Variants in SNTG1 observed in about 807,000 individuals in gnomAD.
SNTG1 encodes gamma-1-syntrophin.
SNTG1 carries 39 observed loss-of-function variants against 74.7 expected under a neutral mutation model. The ratio of observed to expected loss-of-function variants is 0.52; its 90% CI spans 0.40 to 0.68. The LOEUF is 0.68. Among genes scored for constraint, SNTG1 ranks in the 30% least tolerant of loss-of-function variants. SNTG1 has a pLI of 0.00. For missense variants in SNTG1, 685 were observed against 609.5 expected, an observed-to-expected ratio of 1.12 and a Z score of -1.30; for synonymous variants, 254 against 217.1, an observed-to-expected ratio of 1.17 and a Z score of -1.49.
chr8:50,678,482 T>C (rs1167491054), intron 15 of SNTG1, among the ~76,000 whole-genome samples: 1 of 152,086 alleles, frequency 6.6e-6, no homozygotes, highest in African/African-American at 2.4e-5. Context: ...TGTTTACAAG[T>C]GTGTCAACAT....
chr8:50,556,337 G>C (rs2094455449), intron 12 of SNTG1, among the ~76,000 whole-genome samples: 1 of 152,102 alleles, frequency 6.6e-6, no homozygotes, highest in Non-Finnish European at 1.5e-5. Flanking sequence ...GTTGTGGGGT[G>C]GGTGGGGTTC....
intron 13 of SNTG1, among the ~76,000 whole-genome samples, chr8:50,648,843 C>G (rs1256909052): frequency 6.6e-6 from 1 of 152,104 alleles, no homozygotes; most frequent in Non-Finnish European, 1.5e-5. Context: ...CTGACTTTCT[C>G]TCCTCTCACT....
At chr8:50,552,244 TTATATC>T (rs2094431313) in intron 11 of SNTG1, among the ~76,000 whole-genome samples, 1 of 152,176 alleles carries the variant, frequency 6.6e-6, no homozygotes, top group South Asian at 2.1e-4. Context: ...TCCATTAAGT[TTATATC>T]TAAACATTGC....
chr8:50,574,067 C>T (rs948398759), intron 12 of SNTG1, among the ~76,000 whole-genome samples: 1 of 151,988 alleles, frequency 6.6e-6, no homozygotes, highest in Non-Finnish European at 1.5e-5. Flanking sequence ...TGTAACATCT[C>T]AACCCATTTA....
chr8:50,721,404 T>C (rs1225249064), intron 17 of SNTG1, among the ~76,000 whole-genome samples: 2 of 152,202 alleles, frequency 1.3e-5, no homozygotes, highest in Non-Finnish European at 2.9e-5. Context: ...CTCAAATGAA[T>C]AGCTTATGGG....
At chr8:50,748,387 G>C (rs1014900516) in intron 17 of SNTG1, among the ~76,000 whole-genome samples, 2 of 151,932 alleles carry the variant, frequency 1.3e-5, no homozygotes, top group African/African-American at 2.4e-5. Context: ...TAGAAACTCT[G>C]CTTAAAGAGG....
rs868868212 is a variant in SNTG1, at chr8:50,002,199, T to A, written c.-103+89968T>A. 1.4e-4 allele frequency among the ~76,000 whole-genome samples: 21 copies of A among 152,336 alleles called. No homozygotes were observed. The Middle Eastern group carries it at 0.01, about 74-fold the overall frequency. ...GTAATATATCACAAAGTGGGTATTT[T>A]TTTAAAAGGCCCAACTCCAAATGTT... On this transcript the variant is annotated intron_variant, in intron 1 of 18. Coordinates refer to ENST00000642720, the MANE Select transcript of SNTG1 (RefSeq NM_018967.5).
chr8:50,247,220 C>G (rs1320519711), intron 2 of SNTG1, among the ~76,000 whole-genome samples: 12 of 152,068 alleles, frequency 7.9e-5, no homozygotes, highest in Non-Finnish European at 1.6e-4. Context: ...TGTCTCATCC[C>G]TTCTTATAAT....
intron 15 of SNTG1, among the ~76,000 whole-genome samples, chr8:50,675,582 G>A (rs527991733): frequency 1.3e-5 from 2 of 152,002 alleles, no homozygotes; most frequent in South Asian, 4.1e-4. Context: ...CCTGAATACA[G>A]CACACTGATG....
intron 2 of SNTG1, among the ~76,000 whole-genome samples, chr8:50,261,578 C>T (rs2087196062): frequency 1.3e-5 from 2 of 151,918 alleles, no homozygotes; most frequent in South Asian, 4.1e-4. Flanking sequence ...CAACAATGTA[C>T]CCAGTGGATA....
rs533662121 is a variant in SNTG1, at chr8:50,590,616, C to T, written c.811-263C>T. On this transcript the variant is annotated intron_variant, in intron 12 of 18. Transcript: ENST00000642720. ...TCATTTAGTATTGTTTGAACACAGG[C>T]TTTTGGTTTCTCTGAGTTAAAAAAA... Among the ~76,000 whole-genome samples the T allele has an allele frequency of 4.3e-3, 649 of 151,994 alleles. 9 individuals are homozygous for T. Among genetic ancestry groups the T allele is most frequent in the African/African-American group, 0.014 (587 of 41,436 alleles).
At chr8:50,049,520 G>C (rs1819387684) in intron 1 of SNTG1, among the ~76,000 whole-genome samples, 1 of 152,054 alleles carries the variant, frequency 6.6e-6, no homozygotes, top group Non-Finnish European at 1.5e-5. Context: ...GAATTGTTAG[G>C]ATAACTGGAT....
intron 17 of SNTG1, among the ~76,000 whole-genome samples, chr8:50,711,200 A>G (rs2095460665): frequency 6.6e-6 from 1 of 152,222 alleles, no homozygotes; most frequent in African/African-American, 2.4e-5. Context: ...ATACAAATCA[A>G]AACATGCTTT....
chr8:49,992,990 C>T (rs1041179246), intron 1 of SNTG1, among the ~76,000 whole-genome samples: 4 of 152,070 alleles, frequency 2.6e-5, no homozygotes, highest in Non-Finnish European at 5.9e-5. Context: ...ATTATTTCTG[C>T]AGAAATGTGT....
At chr8:50,058,214 G>T (rs1292044273) in intron 1 of SNTG1, among the ~76,000 whole-genome samples, 1 of 152,120 alleles carries the variant, frequency 6.6e-6, no homozygotes, top group Non-Finnish European at 1.5e-5. Flanking sequence ...CTGCAAGCAT[G>T]ATCTATGGAA....
chr8:50,053,675 T>A (rs1207456583), intron 1 of SNTG1, among the ~76,000 whole-genome samples: 1 of 126,040 alleles, frequency 7.9e-6, no homozygotes, highest in Admixed American at 8.6e-5. Flanking sequence ...CAGGATAGTA[T>A]CCTGGATAGA....
intron 1 of SNTG1, among the ~76,000 whole-genome samples, chr8:50,157,099 A>G (rs533302503): frequency 1.3e-5 from 2 of 152,270 alleles, no homozygotes; most frequent in South Asian, 4.1e-4. Context: ...GAATACTGAT[A>G]GATGCAAAAA....
rs147098210 is a variant in SNTG1, at chr8:50,725,494, T to A, written c.1284+16516T>A. ...AGTAATAAATATAGTCTTAATAATA[T>A]AATAAACAACAAAACGTCTTTTACA... On this transcript the variant is annotated intron_variant, in intron 17 of 18. Transcript: ENST00000642720. 1.9e-3 allele frequency among the ~76,000 whole-genome samples: 291 copies of A among 152,260 alleles called. 1 individual carries two copies. Among genetic ancestry groups the A allele is most frequent in the African/African-American group, 6.9e-3 (285 of 41,560 alleles).
At chr8:50,089,259 G>C in intron 1 of SNTG1, among the ~76,000 whole-genome samples, 1 of 152,112 alleles carries the variant, frequency 6.6e-6, no homozygotes, top group African/African-American at 2.4e-5. Context: ...ATTAATTCAA[G>C]ATGGATTAAA....
Sources: gnomAD v4.1 joint callset for allele counts (sites outside exome capture counted in the v4.1 genomes callset) on GRCh38, gnomAD v4.1.1 for gene constraint, MANE v1.5 for transcripts, NCBI Gene and HGNC (gene_info 2026-07-23, HGNC 2026-07-21) for gene names.